The following KCNA2 variants were observed in gnomAD, a reference collection of about 807,000 sequenced individuals.
KCNA2 encodes the protein potassium channel, voltage gated shaker related subfamily A, member 2.
A neutral mutation model predicts 33.4 loss-of-function variants in KCNA2; 11 were observed. The observed-to-expected ratio is 0.33, with a 90% CI of 0.21 to 0.55. The LOEUF is 0.55. Ranked by LOEUF, KCNA2 falls within the 20% of genes least tolerant of loss-of-function variation. The probability of loss-of-function intolerance (pLI) is 0.93; values close to 1 mark genes in which losing one functional copy is unlikely to be tolerated. For missense variants in KCNA2, 291 were observed against 621.6 expected (o/e 0.47, Z 5.66); for synonymous variants, 222 against 231.3 (o/e 0.96, Z 0.37).
At position 110,598,004 on chromosome 1, in the gene KCNA2, A is replaced by G; in HGVS notation, c.*5279T>C. The G allele has an allele frequency of 1.0e-6, 1 of 985,382 alleles. No homozygotes were observed. Among genetic ancestry groups the G allele is most frequent in the Non-Finnish European group, 1.2e-6 (1 of 829,902 alleles). The allele number at this position is 985,382 out of a possible 1,614,324, so 61.0% of individuals were successfully genotyped here. ...AACAGGGTTGGACTCAACAAGGGCT[A>G]AGTCTGAAGATATAGATGATGGTCA... On this transcript the variant is annotated 3_prime_UTR_variant, in exon 3 of 3. Coordinates refer to ENST00000316361, the MANE Select transcript of KCNA2 (RefSeq NM_004974.4).
Position 110,599,935 on chromosome 1 carries a change from A to G in KCNA2, c.*3348T>C, listed in dbSNP as rs1407043068. 2.0e-6 allele frequency: 2 copies of G among 985,242 alleles called. No homozygotes were observed. Among genetic ancestry groups the G allele is most frequent in the Admixed American group, 1.2e-4 (2 of 16,262 alleles). 61.0% of individuals were successfully genotyped at this position (985,242 alleles called of 1,614,324 possible). A position where few individuals can be genotyped will look rare whatever the true frequency, so the allele number is the denominator to read the frequency against. On this transcript the variant is annotated 3_prime_UTR_variant, in exon 3 of 3. Coordinates refer to ENST00000316361, the MANE Select transcript of KCNA2 (RefSeq NM_004974.4). ...CAGGTTTCTGGTGGGAGGAAGGTGA[A>G]TTGGTAGAGACCCCATGCAATTCCT...
At position 110,602,311 on chromosome 1, in the gene KCNA2, C is replaced by T. The variant is rs557594384; in HGVS notation, c.*972G>A. The T allele has an allele frequency of 6.9e-7, 1 of 1,449,650 alleles. No homozygotes were observed. The highest frequency in any genetic ancestry group is 1.4e-5 in the African/African-American group (1 of 70,088). The allele number at this position is 1,449,650 out of a possible 1,614,324, so 89.8% of individuals were successfully genotyped here. On this transcript the variant is annotated 3_prime_UTR_variant, in exon 3 of 3. Coordinates refer to ENST00000316361, the MANE Select transcript of KCNA2 (RefSeq NM_004974.4). The stretch of plus-strand genomic sequence containing the variant: ...CCCCTAGTTCAAGACCATTCCAAGC[C>T]TATTAATACTCTAAATATTAACACT...
At chr1:110,630,909 C>T (rs564102118) in intron 1 of KCNA2, among the ~76,000 whole-genome samples, 25 of 152,310 alleles carry the variant, frequency 1.6e-4, no homozygotes, top group African/African-American at 5.8e-4. Context: ...AGCCCCGGAA[C>T]CACTAAGCCT....
upstream of KCNA2, among the ~76,000 whole-genome samples, chr1:110,609,990 C>T (rs1205035503): frequency 6.6e-6 from 1 of 152,230 alleles, no homozygotes; most frequent in African/African-American, 2.4e-5. Flanking sequence ...AAAGAATGGA[C>T]AGCCAGCTAA....
rs1649410939 is a variant in KCNA2, at chr1:110,602,693, T to C, written c.*590A>G. 5.0e-6 allele frequency: 5 copies of C among 993,066 alleles called. No homozygotes were observed. The South Asian group carries it at 1.4e-4, about 27-fold the overall frequency. 61.5% of individuals were successfully genotyped at this position (993,066 alleles called of 1,614,324 possible). A position where few individuals can be genotyped will look rare whatever the true frequency, so the allele number is the denominator to read the frequency against. ...TCGACACTGCAGAGAAAAAGCAGAATGCAGCATTTTCCGTTATGAAACACA... is the reference window on the plus strand; with the variant it reads ...TCGACACTGCAGAGAAAAAGCAGAACGCAGCATTTTCCGTTATGAAACACA... On this transcript the variant is annotated 3_prime_UTR_variant, in exon 3 of 3. Transcript: ENST00000316361.
Position 110,596,742 on chromosome 1 carries a change from C to T in KCNA2, c.*6541G>A. The T allele has an allele frequency of 1.0e-6, 1 of 985,440 alleles. No homozygotes were observed. Among genetic ancestry groups the T allele is most frequent in the East Asian group, 1.1e-4 (1 of 8,818 alleles). 61.0% of individuals were successfully genotyped at this position (985,440 alleles called of 1,614,324 possible). A position where few individuals can be genotyped will look rare whatever the true frequency, so the allele number is the denominator to read the frequency against. On this transcript the variant is annotated 3_prime_UTR_variant, in exon 3 of 3. Transcript: ENST00000316361. ...GTTGAACCAGACATGCTTTCCCATTCCCACTCAAATAACCAAAATTGCAAA... is the reference window on the plus strand; with the variant it reads ...GTTGAACCAGACATGCTTTCCCATTTCCACTCAAATAACCAAAATTGCAAA...
Position 110,602,783 on chromosome 1 carries a change from T to C in KCNA2, c.*500A>G. 1.0e-6 allele frequency: 1 copy of C among 992,524 alleles called. No homozygotes were observed. Among genetic ancestry groups the C allele is most frequent in the Non-Finnish European group, 1.2e-6 (1 of 834,660 alleles). 61.5% of individuals were successfully genotyped at this position (992,524 alleles called of 1,614,324 possible). ...CTCCAGCCTGTGACACAGAAAGTAA[T>C]TCCAACACACAGGACTGTGTGTTCT... On this transcript the variant is annotated 3_prime_UTR_variant, in exon 3 of 3. Transcript: ENST00000316361.
At chr1:110,628,849 T>C (rs1277871495) in intron 1 of KCNA2, among the ~76,000 whole-genome samples, 1 of 152,170 alleles carries the variant, frequency 6.6e-6, no homozygotes, top group Non-Finnish European at 1.5e-5. Flanking sequence ...GACTGACTTG[T>C]GCTAAAAGTA....
upstream of KCNA2, among the ~76,000 whole-genome samples, chr1:110,608,954 G>C (rs1205799966): frequency 2.0e-5 from 3 of 152,172 alleles, no homozygotes; most frequent in Non-Finnish European, 4.4e-5. Flanking sequence ...TTAGCTTCCA[G>C]CTTAGCTCTG....
At chr1:110,626,803 C>G (rs560682436) in intron 1 of KCNA2, among the ~76,000 whole-genome samples, 1 of 152,114 alleles carries the variant, frequency 6.6e-6, no homozygotes, top group African/African-American at 2.4e-5. Context: ...GTTCTGGTTC[C>G]GTGACAACAC....
At chr1:110,627,840 A>AAT (rs1650440695) in intron 1 of KCNA2, among the ~76,000 whole-genome samples, 1 of 152,166 alleles carries the variant, frequency 6.6e-6, no homozygotes, top group South Asian at 2.1e-4. Context: ...AAAAAAAAAA[A>AAT]AATAATAATA....
rs1649353448 is a variant in KCNA2, at chr1:110,601,759, C to T, written c.*1524G>A. 1 of 1,190,800 alleles carries T rather than the reference C, an allele frequency of 8.4e-7. No homozygotes were observed. Among genetic ancestry groups the T allele is most frequent in the Admixed American group, 4.4e-5 (1 of 22,932 alleles). 73.8% of individuals were successfully genotyped at this position (1,190,800 alleles called of 1,614,324 possible). ...ACCAAGCAGTGGATTTGCTCCTGAA[C>T]CTGAACTCCAGAAAATGAATATATA... is the stretch of plus-strand genomic sequence containing the variant. On this transcript the variant is annotated 3_prime_UTR_variant, in exon 3 of 3. Coordinates refer to ENST00000316361, the MANE Select transcript of KCNA2 (RefSeq NM_004974.4).
chr1:110,604,209 T>G lies in KCNA2; in HGVS notation c.574A>C (p.Asn192His). 6 of 1,614,160 alleles carry G rather than the reference T, an allele frequency of 3.7e-6. No individual in the cohort carries two copies. Among genetic ancestry groups the G allele is most frequent in the Non-Finnish European group, 5.1e-6 (6 of 1,180,026 alleles). Residue 192 changes from asparagine (N) to histidine (H), a missense_variant, in exon 3 of 3, where the codon AAT (asparagine) becomes CAT (histidine). Asn to His is a moderately conservative substitution (Grantham distance 68, BLOSUM62 1). Transcript: ENST00000316361. The surrounding 1 kb of genome is among the most constrained non-coding windows in gnomAD (Gnocchi z 7.6). ...LETLPIFRDE[N>H]EDMHGSGVTF... is the part of the protein sequence containing the mutation. ...ACCCCACTACCATGCATGTCTTCAT[T>G]CTCATCCCGGAAGATGGGCAATGTT...
In KCNA2 at chr1:110,602,735, A is replaced by G; in HGVS notation, c.*548T>C. ...TGAAACACAAGCCTCCAGAGCATCT[A>G]CTTGGCAACTGCAATTCACAAACTC... On this transcript the variant is annotated 3_prime_UTR_variant, in exon 3 of 3. Coordinates refer to ENST00000316361, the MANE Select transcript of KCNA2 (RefSeq NM_004974.4). 1.0e-6 allele frequency: 1 copy of G among 992,518 alleles called. No homozygotes were observed. The highest frequency in any genetic ancestry group is 1.2e-6 in the Non-Finnish European group (1 of 834,608). 61.5% of individuals were successfully genotyped at this position (992,518 alleles called of 1,614,324 possible).
rs753710067 is a variant in KCNA2 at position 110,601,108 on chromosome 1, A to G, written c.*2175T>C. 5.8e-5 allele frequency: 57 copies of G among 985,182 alleles called. No homozygotes were observed. Among genetic ancestry groups the G allele is most frequent in the Non-Finnish European group, 6.7e-5 (56 of 829,912 alleles). The allele number at this position is 985,182 out of a possible 1,614,324, so 61.0% of individuals were successfully genotyped here. On this transcript the variant is annotated 3_prime_UTR_variant, in exon 3 of 3. Coordinates refer to ENST00000316361, the MANE Select transcript of KCNA2 (RefSeq NM_004974.4). ...GCTGTGCAGTGCTCATTTGCACTCT[A>G]CTTCTTCTGGGGGGTGGGAAATGAT...
Position 110,599,288 on chromosome 1 carries a change from A to T in KCNA2, c.*3995T>A. ...GAACCAGCTCCAAGAGTAATCCAAAATGGTGGGTAATCTTAGAAAGTATTT... is the reference window on the plus strand; with the variant it reads ...GAACCAGCTCCAAGAGTAATCCAAATTGGTGGGTAATCTTAGAAAGTATTT... On this transcript the variant is annotated 3_prime_UTR_variant, in exon 3 of 3. Coordinates refer to ENST00000316361, the MANE Select transcript of KCNA2 (RefSeq NM_004974.4). 1 of 983,380 alleles carries T rather than the reference A, an allele frequency of 1.0e-6. No individual in the cohort carries two copies. Among genetic ancestry groups the T allele is most frequent in the Non-Finnish European group, 1.2e-6 (1 of 828,098 alleles). 60.9% of individuals were successfully genotyped at this position (983,380 alleles called of 1,614,324 possible). A position where few individuals can be genotyped will look rare whatever the true frequency, so the allele number is the denominator to read the frequency against.
upstream of KCNA2, chr1:110,607,457 T>G (rs1404928875): frequency 6.6e-6 from 1 of 152,272 alleles, no homozygotes. Flanking sequence ...GAACTCGAAT[T>G]AAAGGGGCCG....
chr1:110,616,082 T>C (rs975223376), intron 1 of KCNA2, among the ~76,000 whole-genome samples: 1 of 152,298 alleles, frequency 6.6e-6, no homozygotes, highest in East Asian at 1.9e-4. Flanking sequence ...CCAGGGGTCT[T>C]TGGACCTGGG....
Position 110,598,072 on chromosome 1 carries a change from G to A in KCNA2, c.*5211C>T, listed in dbSNP as rs140115014. 72 of 985,250 alleles carry A rather than the reference G, an allele frequency of 7.3e-5. No individual in the cohort carries two copies. Among genetic ancestry groups the A allele is most frequent in the Non-Finnish European group, 8.2e-5 (68 of 829,812 alleles). 61.0% of individuals were successfully genotyped at this position (985,250 alleles called of 1,614,324 possible). ...GCTCCCAGCATCCCCCTCTCTGCGC[G>A]TTGGCTCAGGTGACTGATGATGTTA... On this transcript the variant is annotated 3_prime_UTR_variant, in exon 3 of 3. Transcript: ENST00000316361.
Sources: allele counts gnomAD v4.1 joint callset (sites outside exome capture counted in the v4.1 genomes callset), GRCh38; gene constraint gnomAD v4.1.1; non-coding constraint Gnocchi (gnomAD v3.1); transcripts MANE v1.5; gene names NCBI Gene and HGNC (gene_info 2026-07-23, HGNC 2026-07-21).